DLC1: variants seen among roughly 807,000 people sequenced by gnomAD.
DLC1 encodes the protein rho GTPase-activating protein 7.
In DLC1, 54 loss-of-function variants were observed where a neutral mutation model predicts 140.3. The observed-to-expected ratio is 0.38, with a 90% confidence interval of 0.31 to 0.48. The LOEUF (loss-of-function observed/expected upper bound fraction) is 0.48, where lower values mean the gene tolerates loss of function less well. Ranked by LOEUF, DLC1 falls within the 20% of genes least tolerant of loss-of-function variation. The probability of loss-of-function intolerance (pLI) is 0.96; values close to 1 mark genes in which losing one functional copy is unlikely to be tolerated. For synonymous variants in DLC1, 986 were observed against 728.1 expected, an observed-to-expected ratio of 1.35 and a Z score of -5.70; for missense variants, 2,536 against 1,907.0, an observed-to-expected ratio of 1.33 and a Z score of -6.14.
chr8:13,150,513 C>G (rs185473666), intron 5 of DLC1, among the ~76,000 whole-genome samples: 4 of 152,108 alleles, frequency 2.6e-5, no homozygotes, highest in Non-Finnish European at 5.9e-5. Flanking sequence ...CTGGTACAGA[C>G]AGGGATTGTG....
chr8:13,190,893 C>T (rs1024615382), intron 5 of DLC1, among the ~76,000 whole-genome samples: 5 of 152,064 alleles, frequency 3.3e-5, no homozygotes, highest in Non-Finnish European at 7.3e-5. Flanking sequence ...CGTTTCCACC[C>T]TTTCTTCACC....
intron 1 of DLC1, among the ~76,000 whole-genome samples, chr8:13,512,938 A>T (rs1802441705): frequency 6.7e-6 from 1 of 148,898 alleles, no homozygotes; most frequent in Admixed American, 6.8e-5. Flanking sequence ...TTTTTTCCCC[A>T]CATAATTAAC....
Position 13,099,351 on chromosome 8 carries a change from T to G in DLC1, c.2986A>C (p.Asn996His). The change falls in exon 9 of 18, where the codon AAC (asparagine) becomes CAC (histidine). Residue 996 changes from asparagine (N) to histidine (H), a missense_variant. Asn to His is a moderately conservative substitution (Grantham distance 68, BLOSUM62 1). Transcript: ENST00000276297. ...AGGCAGGAGAAAAGTTCTTACCTGT[T>G]GGACCTGGTTAGGGAAGCCCCAACC... ...SGVGASLTRS[N>H]RHRLRWHSFQ... The G allele has an allele frequency of 6.2e-7, 1 of 1,613,074 alleles. No individual in the cohort carries two copies. Among genetic ancestry groups the G allele is most frequent in the Non-Finnish European group, 8.5e-7 (1 of 1,179,610 alleles).
intron 5 of DLC1, among the ~76,000 whole-genome samples, chr8:13,295,685 C>T (rs139795448): frequency 2.6e-5 from 4 of 152,232 alleles, no homozygotes; most frequent in African/African-American, 7.2e-5. Context: ...AGGGTCAATA[C>T]GAGAAGTATA....
At chr8:13,181,727 A>C (rs550349807) in intron 5 of DLC1, among the ~76,000 whole-genome samples, 28 of 152,232 alleles carry the variant, frequency 1.8e-4, no homozygotes, top group African/African-American at 6.7e-4. Context: ...TTCTTAATCC[A>C]GTCTATCATT....
intron 5 of DLC1, among the ~76,000 whole-genome samples, chr8:13,135,505 G>A (rs925323569): frequency 6.6e-6 from 1 of 152,098 alleles, no homozygotes; most frequent in Non-Finnish European, 1.5e-5. Flanking sequence ...ATGGAAGAAC[G>A]CATCCCGTGA....
chr8:13,478,166 G>A (rs1407447993), intron 2 of DLC1, among the ~76,000 whole-genome samples: 2 of 152,166 alleles, frequency 1.3e-5, no homozygotes, highest in Non-Finnish European at 2.9e-5. Flanking sequence ...ATAGGCATCT[G>A]CTCAGGGAGG....
intron 2 of DLC1, among the ~76,000 whole-genome samples, chr8:13,421,567 C>G (rs1424631674): frequency 9.9e-5 from 15 of 152,132 alleles, no homozygotes. Context: ...TTCAGGTGCA[C>G]TGATTAGAAA....
intron 5 of DLC1, among the ~76,000 whole-genome samples, chr8:13,300,350 G>A (rs1468745658): frequency 6.6e-6 from 1 of 152,150 alleles, no homozygotes; most frequent in African/African-American, 2.4e-5. Flanking sequence ...CTTAGGTGAT[G>A]GGTTGATAGG....
At chr8:13,579,341 A>AATACATATT (rs1804971047) in intron 1 of DLC1, among the ~76,000 whole-genome samples, 2 of 27,138 alleles carry the variant, frequency 7.4e-5, no homozygotes, top group African/African-American at 3.0e-4. Flanking sequence ...ATATATATAT[A>AATACATATT]TATATATATA....
chr8:13,123,865 T>G (rs185023349), intron 5 of DLC1, among the ~76,000 whole-genome samples: 3 of 152,288 alleles, frequency 2.0e-5, no homozygotes, highest in Non-Finnish European at 4.4e-5. Context: ...TTCTAGTAAG[T>G]GGTCTTAATT....
chr8:13,374,660 G>A (rs1002198607), intron 4 of DLC1, among the ~76,000 whole-genome samples: 1 of 152,110 alleles, frequency 6.6e-6, no homozygotes, highest in African/African-American at 2.4e-5. Flanking sequence ...GTATGCGCCT[G>A]TAATCCTTGG....
intron 5 of DLC1, among the ~76,000 whole-genome samples, chr8:13,182,416 A>G (rs28818901): frequency 0.12 from 18,421 of 151,990 alleles, 1,945 homozygotes; most frequent in East Asian, 0.31. Context: ...CCTGAATGGT[A>G]TTGCCTAGGT....
rs142501846 is a variant in DLC1 at position 13,084,470 on chromosome 8, C to G, written c.*1341G>C. The G allele has an allele frequency of 1.4e-3, 209 of 152,674 alleles. 1 individual carries two copies. The highest frequency in any genetic ancestry group is 4.9e-3 in the African/African-American group (202 of 41,552). 9.5% of individuals were successfully genotyped at this position (152,674 alleles called of 1,614,324 possible). On this transcript the variant is annotated 3_prime_UTR_variant, in exon 18 of 18. Transcript: ENST00000276297. ...TCTCTTGAGTCAATCCTTACCATTA[C>G]AGTAAAACCTGAATAAAGACCACCC...
rs1299822476 is a variant in DLC1 at position 13,186,161 on chromosome 8, G to C, written c.1349-70504C>G. Among the ~76,000 whole-genome samples the C allele has an allele frequency of 1.3e-5, 2 of 152,160 alleles. 1 individual carries two copies. The highest frequency in any genetic ancestry group is 4.1e-4 in the South Asian group (2 of 4,830). On this transcript the variant is annotated intron_variant, in intron 5 of 17. Coordinates refer to ENST00000276297, the MANE Select transcript of DLC1 (RefSeq NM_182643.3). ...TCTTCTCGAGAAGTATCTTTGTGGT[G>C]TTCTCTGTATTTCCTGAAATTGAAT...
rs750984110 is a variant in DLC1, at chr8:13,521,970, T to G, written c.-125-21774A>C. Among the ~76,000 whole-genome samples the G allele has an allele frequency of 4.1e-4, 62 of 152,288 alleles. 1 individual carries two copies. In the Middle Eastern group the frequency reaches 0.014, roughly 33 times the overall value. Reference sequence around the variant, plus strand: ...TGTGTCATATCACAGCTGCACCTTTTTCTTCCCAGGTGAGGCCCTCAAATG... The same window carrying G: ...TGTGTCATATCACAGCTGCACCTTTGTCTTCCCAGGTGAGGCCCTCAAATG... On this transcript the variant is annotated intron_variant, in intron 1 of 1. Transcript: ENST00000631382.
At chr8:13,549,204 G>A (rs1220065574) in intron 1 of DLC1, among the ~76,000 whole-genome samples, 1 of 152,002 alleles carries the variant, frequency 6.6e-6, no homozygotes, top group Admixed American at 6.6e-5. Flanking sequence ...TCAGTTAGGA[G>A]GCAGTATTCA....
chr8:13,146,697 C>T (rs1202877839), intron 5 of DLC1, among the ~76,000 whole-genome samples: 1 of 152,004 alleles, frequency 6.6e-6, no homozygotes, highest in African/African-American at 2.4e-5. Context: ...ATTACTATTG[C>T]TTGTGCTATT....
In DLC1 at chr8:13,127,793, T is replaced by C. The variant is rs73663607; in HGVS notation, c.1349-12136A>G. ...TGCGAGGAGAAGGAAGGCGCCTTTC[T>C]GACAAGCTTCAGGAAGTGACCTCCA... On this transcript the variant is annotated intron_variant, in intron 5 of 17. Transcript: ENST00000276297. 7.3e-3 allele frequency among the ~76,000 whole-genome samples: 1,114 copies of C among 152,320 alleles called. 13 individuals carry two copies. The highest frequency in any genetic ancestry group is 0.025 in the African/African-American group (1,029 of 41,572).
Sources: gnomAD v4.1 joint callset for allele counts (sites outside exome capture counted in the v4.1 genomes callset) on GRCh38, gnomAD v4.1.1 for gene constraint, MANE v1.5 for transcripts, NCBI Gene and HGNC (gene_info 2026-07-23, HGNC 2026-07-21) for gene names.